CNTN4: variants seen among roughly 807,000 people sequenced by gnomAD.
CNTN4 encodes contactin-4.
In CNTN4, 77 loss-of-function variants were observed where a neutral mutation model predicts 122.5. That is an observed-to-expected ratio of 0.63 (90% confidence interval 0.52 to 0.76). CNTN4 has a LOEUF of 0.76. CNTN4 is among the 30% of genes least tolerant of loss of function. The probability of loss-of-function intolerance (pLI) is 0.00; values close to 1 mark genes in which losing one functional copy is unlikely to be tolerated. For synonymous variants in CNTN4, 512 were observed against 447.0 expected, an observed-to-expected ratio of 1.15 and a Z score of -1.83; for missense variants, 1,256 against 1,259.1, an observed-to-expected ratio of 1.00 and a Z score of 0.04.
At chr3:2,991,921 C>T (rs888864336) in intron 14 of CNTN4, among the ~76,000 whole-genome samples, 1 of 152,164 alleles carries the variant, frequency 6.6e-6, no homozygotes, top group Non-Finnish European at 1.5e-5. Flanking sequence ...TTTCCGATTT[C>T]CTCATGTGTC....
At chr3:2,223,960 G>A (rs1252664617) in intron 2 of CNTN4, among the ~76,000 whole-genome samples, 1 of 152,142 alleles carries the variant, frequency 6.6e-6, no homozygotes, top group Non-Finnish European at 1.5e-5. Flanking sequence ...GCTTCTTGGG[G>A]GGCAGGTAGG....
chr3:2,661,962 A>T (rs1415696595), intron 4 of CNTN4, among the ~76,000 whole-genome samples: 1 of 152,156 alleles, frequency 6.6e-6, no homozygotes, highest in Non-Finnish European at 1.5e-5. Flanking sequence ...ACCTTTTGTT[A>T]AAAAATTCAT....
chr3:2,846,818 G>T (rs553113627), intron 7 of CNTN4, among the ~76,000 whole-genome samples: 4 of 152,200 alleles, frequency 2.6e-5, no homozygotes, highest in Non-Finnish European at 4.4e-5. Flanking sequence ...CCAACATGGG[G>T]AAACCCCATC....
At chr3:2,389,831 T>A (rs959768174) in intron 3 of CNTN4, among the ~76,000 whole-genome samples, 3 of 152,220 alleles carry the variant, frequency 2.0e-5, no homozygotes, top group Non-Finnish European at 4.4e-5. Flanking sequence ...AGAAAAAAAA[T>A]TTCACGGAAG....
At chr3:2,530,130 G>A (rs746874371) in intron 3 of CNTN4, among the ~76,000 whole-genome samples, 13 of 152,030 alleles carry the variant, frequency 8.6e-5, no homozygotes, top group Non-Finnish European at 1.6e-4. Context: ...TGATTTGAGA[G>A]CAGTAGGAGC....
chr3:2,832,071 C>A (rs184206328), intron 7 of CNTN4, among the ~76,000 whole-genome samples: 163 of 152,308 alleles, frequency 1.1e-3, no homozygotes, highest in South Asian at 5.0e-3. Flanking sequence ...GTACCTTCTT[C>A]TCTTGCTACC....
chr3:2,655,061 G>T (rs1034932395), intron 4 of CNTN4, among the ~76,000 whole-genome samples: 2 of 152,076 alleles, frequency 1.3e-5, no homozygotes, highest in African/African-American at 4.8e-5. Context: ...GTCTCTCTAA[G>T]GTGCAGCCAC....
At chr3:2,561,305 A>AAACAAACGTGAGATGATTGCTAAG (rs2078943936) in intron 3 of CNTN4, among the ~76,000 whole-genome samples, 1 of 152,174 alleles carries the variant, frequency 6.6e-6, no homozygotes, top group African/African-American at 2.4e-5. Flanking sequence ...AGCAGAAGGA[A>AAACAAACGTGAGATGATTGCTAAG]AACAAACGTG....
At chr3:2,137,056 TA>T (rs2034728307) in intron 2 of CNTN4, among the ~76,000 whole-genome samples, 1 of 152,138 alleles carries the variant, frequency 6.6e-6, no homozygotes, top group African/African-American at 2.4e-5. Flanking sequence ...TCCCAGTATC[TA>T]AAGCCATTGA....
chr3:2,305,299 C>G (rs936976577), intron 2 of CNTN4, among the ~76,000 whole-genome samples: 7 of 152,076 alleles, frequency 4.6e-5, no homozygotes, highest in Non-Finnish European at 8.8e-5. Flanking sequence ...TATGTGACAA[C>G]TGAGAGGGTT....
intron 4 of CNTN4, among the ~76,000 whole-genome samples, chr3:2,694,020 C>T (rs1256753237): frequency 1.3e-5 from 2 of 152,140 alleles, no homozygotes; most frequent in Non-Finnish European, 2.9e-5. Context: ...CCCACTTCCC[C>T]GTTTACTTAC....
Position 2,287,693 on chromosome 3 carries a change from GGAAGAAGAAGAAGAAGAGGAAGAA to G in CNTN4, c.-144-51467_-144-51444del, listed in dbSNP as rs1559415777. Among the ~76,000 whole-genome samples, 63 of 80,966 alleles carry G rather than the reference GGAAGAAGAAGAAGAAGAGGAAGAA, an allele frequency of 7.8e-4. 1 individual carries two copies. The highest frequency in any genetic ancestry group is 5.6e-3 in the Middle Eastern group (1 of 178). The allele number at this position is 80,966 out of a possible 152,430, so 53.1% of individuals were successfully genotyped here. On this transcript the variant is annotated intron_variant, in intron 2 of 24. Coordinates refer to ENST00000418658, the MANE Select transcript of CNTN4 (RefSeq NM_175607.3). ...AAGAAGAAGAAGAAGAAGAAGAAGA[GGAAGAAGAAGAAGAAGAGGAAGAA>G]GAAGAAGAAGAAGAAGAAGAAGAAG...
intron 3 of CNTN4, among the ~76,000 whole-genome samples, chr3:2,447,938 G>T (rs1177537184): frequency 6.6e-6 from 1 of 152,112 alleles, no homozygotes; most frequent in Non-Finnish European, 1.5e-5. Context: ...TTTTCTGAAA[G>T]ATATTCAATT....
intron 2 of CNTN4, among the ~76,000 whole-genome samples, chr3:2,233,895 A>C (rs1339296619): frequency 6.6e-6 from 1 of 152,218 alleles, no homozygotes. Flanking sequence ...ATACGAAGTG[A>C]AATACACAGC....
chr3:2,487,342 CTTAAT>C (rs924995860), intron 3 of CNTN4, among the ~76,000 whole-genome samples: 4 of 152,130 alleles, frequency 2.6e-5, no homozygotes, highest in African/African-American at 9.7e-5. Context: ...ATTGTTTAAA[CTTAAT>C]TTAAGAAAGT....
chr3:2,947,995 A>G (rs577414976), intron 13 of CNTN4, among the ~76,000 whole-genome samples: 11,280 of 151,588 alleles, frequency 0.074, 468 homozygotes, highest in Middle Eastern at 0.12. Context: ...ATTGTAGGGA[A>G]AAAAAAAACT....
chr3:2,325,590 A>G (rs917773648), intron 2 of CNTN4, among the ~76,000 whole-genome samples: 7 of 152,154 alleles, frequency 4.6e-5, no homozygotes, highest in African/African-American at 1.4e-4. Context: ...TTTCAGCTCA[A>G]GCCCTCCAGT....
At position 2,311,080 on chromosome 3, in the gene CNTN4, G is replaced by T. The variant is rs72992048; in HGVS notation, c.-144-28098G>T. ...AAAATATCCGAATCAGAAGCAAACA[G>T]AATAAAAACACACCTACCTTTCCCC... On this transcript the variant is annotated intron_variant, in intron 2 of 24. Coordinates refer to ENST00000418658, the MANE Select transcript of CNTN4 (RefSeq NM_175607.3). 6.7e-3 allele frequency among the ~76,000 whole-genome samples: 1,027 copies of T among 152,150 alleles called. 9 individuals carry two copies. Among genetic ancestry groups the T allele is most frequent in the Middle Eastern group, 0.017 (5 of 294 alleles).
chr3:2,583,097 A>T (rs76816238), intron 4 of CNTN4, among the ~76,000 whole-genome samples: 4,360 of 152,310 alleles, frequency 0.029, 73 homozygotes, highest in African/African-American at 0.06. Context: ...CCAGAAAAAA[A>T]CTAACAAAAC....
Sources: gnomAD v4.1 joint callset for allele counts (sites outside exome capture counted in the v4.1 genomes callset) on GRCh38, gnomAD v4.1.1 for gene constraint, MANE v1.5 for transcripts, NCBI Gene and HGNC (gene_info 2026-07-23, HGNC 2026-07-21) for gene names.